Variants in RIPOR2 observed in about 807,000 individuals in gnomAD.
RIPOR2 encodes the protein RHO family interacting cell polarization regulator 2.
A neutral mutation model predicts 114.5 loss-of-function variants in RIPOR2; 39 were observed. That is an observed-to-expected ratio of 0.34 (90% CI 0.26 to 0.44). The LOEUF (loss-of-function observed/expected upper bound fraction) is 0.44, where lower values mean the gene tolerates loss of function less well. Among genes scored for constraint, RIPOR2 ranks in the 20% least tolerant of loss-of-function variants. The probability of loss-of-function intolerance (pLI) is 1.00; values close to 1 mark genes in which losing one functional copy is unlikely to be tolerated. For missense variants in RIPOR2, 1,007 were observed against 1,255.1 expected, an observed-to-expected ratio of 0.80 and a Z score of 2.99; for synonymous variants, 445 against 484.4, an observed-to-expected ratio of 0.92 and a Z score of 1.07.
chr6:24,932,442 T>C (rs949377891), intron 1 of RIPOR2, among the ~76,000 whole-genome samples: 1 of 152,118 alleles, frequency 6.6e-6, no homozygotes, highest in Non-Finnish European at 1.5e-5. Context: ...TTTCTTTCTG[T>C]CTCTCTTTCT....
chr6:24,937,616 G>A (rs975463144), upstream of RIPOR2, among the ~76,000 whole-genome samples: 1 of 152,148 alleles, frequency 6.6e-6, no homozygotes, highest in Non-Finnish European at 1.5e-5. Flanking sequence ...GCTCTCTTTT[G>A]TGTGGTTGGG....
intron 1 of RIPOR2, among the ~76,000 whole-genome samples, chr6:24,876,690 C>CA (rs1399130217): frequency 6.6e-6 from 1 of 152,142 alleles, no homozygotes; most frequent in East Asian, 1.9e-4. Flanking sequence ...GGAGTGCTCA[C>CA]AAAAGATGTG....
intron 1 of RIPOR2, among the ~76,000 whole-genome samples, chr6:25,002,649 AC>A (rs1036318648): frequency 2.6e-5 from 4 of 152,232 alleles, no homozygotes; most frequent in Non-Finnish European, 5.9e-5. Flanking sequence ...TTTTAGATAT[AC>A]AACATGTTAT....
At chr6:24,853,391 G>A (rs1186964055) in intron 8 of RIPOR2, among the ~76,000 whole-genome samples, 43 of 152,306 alleles carry the variant, frequency 2.8e-4, no homozygotes, top group Non-Finnish European at 5.9e-5. Context: ...CTCTGGGTTT[G>A]TCCAGTCTTT....
intron 1 of RIPOR2, among the ~76,000 whole-genome samples, chr6:24,967,078 G>A (rs1441448265): frequency 6.6e-6 from 1 of 152,198 alleles, no homozygotes; most frequent in Non-Finnish European, 1.5e-5. Flanking sequence ...GACCAAAGGA[G>A]TGTCTCCCCA....
At chr6:24,806,618 T>C (rs1183984493) in intron 21 of RIPOR2, 145 bp from the exon 22 acceptor site, 1 of 606,076 alleles carries the variant, frequency 1.6e-6, no homozygotes, top group Non-Finnish European at 2.8e-6. Flanking sequence ...CTTTTGTTAT[T>C]CCTAATTATG....
At chr6:24,867,649 T>G (rs1480938968) in intron 6 of RIPOR2, among the ~76,000 whole-genome samples, 2 of 152,216 alleles carry the variant, frequency 1.3e-5, no homozygotes, top group African/African-American at 4.8e-5. Flanking sequence ...TCTATTACTT[T>G]GTGTAGTGAG....
rs1252786981 is a variant in RIPOR2, at chr6:24,830,586, G to A, written c.2429C>T (p.Ala810Val). The A allele has an allele frequency of 3.9e-6, 6 of 1,551,498 alleles. No individual in the cohort carries two copies. Among genetic ancestry groups the A allele is most frequent in the African/African-American group, 1.4e-5 (1 of 73,156 alleles). ...CTCCAGCTGCTTCATCACTCTGTCC[G>A]CTGGGCTGTGGTAGACACCAACAGG... ...CSPVGVYHSP[A>V]DRVMKQLEAS... is the part of the protein sequence containing the mutation. The change falls in exon 17 of 22, where the codon GCG becomes GTG. Residue 810 changes from alanine to valine, a missense_variant. Coordinates refer to ENST00000643898, the MANE Select transcript of RIPOR2 (RefSeq NM_001286445.3).
At chr6:24,840,403 C>T (rs1761582384) in intron 13 of RIPOR2, 2 of 1,204,292 alleles carry the variant, frequency 1.7e-6, no homozygotes, top group Non-Finnish European at 1.0e-6. Context: ...CATTCTCTGG[C>T]CTGGAGCATT....
chr6:25,005,291 G>T (rs1242633890), intron 1 of RIPOR2, among the ~76,000 whole-genome samples: 1 of 152,008 alleles, frequency 6.6e-6, no homozygotes, highest in Non-Finnish European at 1.5e-5. Context: ...TTTAGACTAG[G>T]TTCCACCTTA....
intron 1 of RIPOR2, among the ~76,000 whole-genome samples, chr6:24,917,902 G>A (rs1173480571): frequency 3.3e-5 from 5 of 152,050 alleles, no homozygotes; most frequent in Admixed American, 3.3e-4. Flanking sequence ...CATGATCAGG[G>A]GAAACATTAA....
At chr6:24,922,734 C>T (rs1043301824) in intron 1 of RIPOR2, among the ~76,000 whole-genome samples, 3 of 151,492 alleles carry the variant, frequency 2.0e-5, no homozygotes, top group African/African-American at 7.3e-5. Flanking sequence ...TTGGCGTGCA[C>T]CTGTAGTTCC....
intron 1 of RIPOR2, among the ~76,000 whole-genome samples, chr6:24,905,608 C>A (rs7776271): frequency 0.034 from 5,124 of 152,310 alleles, 101 homozygotes; most frequent in African/African-American, 0.051. Flanking sequence ...ACTGTCACAG[C>A]TAAGGCCAAA....
intron 1 of RIPOR2, among the ~76,000 whole-genome samples, chr6:24,968,814 T>A (rs62401081): frequency 0.1 from 15,300 of 152,188 alleles, 1,022 homozygotes; most frequent in Admixed American, 0.14. Flanking sequence ...TGTCCTACAA[T>A]GCACAGTACA....
At chr6:24,985,069 C>A (rs770108030) in intron 1 of RIPOR2, among the ~76,000 whole-genome samples, 2 of 152,200 alleles carry the variant, frequency 1.3e-5, no homozygotes, top group Non-Finnish European at 1.5e-5. Context: ...GTGCCCTATG[C>A]GCAACTTTTG....
chr6:24,936,310 A>C (rs1247880287), upstream of RIPOR2, among the ~76,000 whole-genome samples: 2 of 152,262 alleles, frequency 1.3e-5, no homozygotes, highest in Admixed American at 6.5e-5. Context: ...CATATTTCTC[A>C]TATCTTGGTT....
intron 21 of RIPOR2, among the ~76,000 whole-genome samples, chr6:24,809,027 TG>T (rs1374660885): frequency 6.6e-6 from 1 of 152,174 alleles, no homozygotes; most frequent in Non-Finnish European, 1.5e-5. Context: ...CCCAAAGTGC[TG>T]GGGTTACAGG....
At chr6:24,828,057 G>C in intron 18 of RIPOR2, 80 bp downstream of exon 18, 1 of 1,265,728 alleles carries the variant, frequency 7.9e-7, no homozygotes, top group Non-Finnish European at 1.1e-6. Flanking sequence ...GGCCATCATT[G>C]CCAAAAGCCA....
intron 1 of RIPOR2, among the ~76,000 whole-genome samples, chr6:24,979,685 T>C (rs1420051437): frequency 1.3e-5 from 2 of 152,224 alleles, no homozygotes; most frequent in Admixed American, 1.3e-4. Context: ...ATGGTCCATC[T>C]GTCTTCCATA....
Sources: allele counts gnomAD v4.1 joint callset (sites outside exome capture counted in the v4.1 genomes callset), GRCh38; gene constraint gnomAD v4.1.1; transcripts MANE v1.5; gene names NCBI Gene and HGNC (gene_info 2026-07-23, HGNC 2026-07-21).